Variants in ASTN2 observed in about 807,000 individuals in gnomAD.
ASTN2 encodes the protein astrotactin 2.
ASTN2 carries 54 observed loss-of-function variants against 139.8 expected under a neutral mutation model. That is an observed-to-expected ratio of 0.39 (90% CI 0.31 to 0.48). The LOEUF (loss-of-function observed/expected upper bound fraction) is 0.48, where lower values mean the gene tolerates loss of function less well. Ranked by LOEUF, ASTN2 falls within the 20% of genes least tolerant of loss-of-function variation. The pLI is 0.95. For missense variants in ASTN2, 1,565 were observed against 1,725.1 expected, an observed-to-expected ratio of 0.91 and a Z score of 1.64; for synonymous variants, 756 against 719.5, an observed-to-expected ratio of 1.05 and a Z score of -0.81.
chr9:116,866,896 A>G (rs1219606832), intron 10 of ASTN2, among the ~76,000 whole-genome samples: 1 of 144,382 alleles, frequency 6.9e-6, no homozygotes, highest in Non-Finnish European at 1.5e-5. Context: ...CCGTCTCAAA[A>G]AAAAAAAAAA....
chr9:117,269,972 A>G (rs543310405), intron 2 of ASTN2, among the ~76,000 whole-genome samples: 2 of 152,218 alleles, frequency 1.3e-5, no homozygotes, highest in African/African-American at 4.8e-5. Flanking sequence ...TATTTTTCCT[A>G]TTTTACAGAA....
At chr9:116,536,065 T>G (rs1235150921) in intron 19 of ASTN2, among the ~76,000 whole-genome samples, 1 of 150,706 alleles carries the variant, frequency 6.6e-6, no homozygotes, top group Non-Finnish European at 1.5e-5. Context: ...CTTTTTATTC[T>G]CTTTTCTCTA....
At chr9:117,195,584 G>A (rs926965267) in intron 3 of ASTN2, among the ~76,000 whole-genome samples, 5 of 152,152 alleles carry the variant, frequency 3.3e-5, no homozygotes, top group Non-Finnish European at 7.4e-5. Flanking sequence ...CATAGGGTGG[G>A]AAGCAGGGGT....
intron 3 of ASTN2, among the ~76,000 whole-genome samples, chr9:117,187,204 C>T (rs191611111): frequency 2.7e-3 from 418 of 152,146 alleles, no homozygotes; most frequent in African/African-American, 9.6e-3. Context: ...TGATTATGTA[C>T]ATTGTTTTAT....
chr9:116,765,072 C>G (rs143680855), intron 13 of ASTN2, among the ~76,000 whole-genome samples: 1 of 152,108 alleles, frequency 6.6e-6, no homozygotes, highest in Admixed American at 6.5e-5. Context: ...CTACAAAATA[C>G]GTGCTAATGA....
chr9:116,740,064 C>T (rs954234472), intron 13 of ASTN2, among the ~76,000 whole-genome samples: 3 of 152,200 alleles, frequency 2.0e-5, no homozygotes, highest in African/African-American at 7.2e-5. Flanking sequence ...CCAGGGGCCA[C>T]TGAGTGAGTG....
Position 116,511,815 on chromosome 9 carries a change from C to T in ASTN2, c.3356-24315G>A, listed in dbSNP as rs147901095. Among the ~76,000 whole-genome samples, 1,151 of 152,010 alleles carry T rather than the reference C, an allele frequency of 7.6e-3. 17 individuals carry two copies. The highest frequency in any genetic ancestry group is 0.026 in the African/African-American group (1,097 of 41,484). ...TAGAGGTGTTTATAGTATTCTCTGA[C>T]GGTAGTATGTATCTCTGTGGGATTG... On this transcript the variant is annotated intron_variant, in intron 19 of 22. Coordinates refer to ENST00000313400, the MANE Select transcript of ASTN2 (RefSeq NM_001365068.1).
At chr9:116,643,128 G>A (rs1197635092) in intron 17 of ASTN2, among the ~76,000 whole-genome samples, 1 of 152,112 alleles carries the variant, frequency 6.6e-6, no homozygotes, top group Non-Finnish European at 1.5e-5. Flanking sequence ...TGTGTTGTAG[G>A]GGGACAGAGT....
rs188814678 is a variant in ASTN2, at chr9:117,149,055, C to T, written c.1016-7577G>A. ...TTTTTTTTGAGACGGAGTCTCACTC[C>T]ATTGCCCAAGCTGGAGTGCAATGGC... On this transcript the variant is annotated intron_variant, in intron 3 of 22. Transcript: ENST00000313400. 4.4e-3 allele frequency among the ~76,000 whole-genome samples: 661 copies of T among 151,710 alleles called. 3 individuals carry two copies. The highest frequency in any genetic ancestry group is 0.015 in the African/African-American group (616 of 41,392).
chr9:116,502,138 C>A (rs1322719822), intron 19 of ASTN2, among the ~76,000 whole-genome samples: 1 of 132,934 alleles, frequency 7.5e-6, no homozygotes, highest in Admixed American at 8.4e-5. Flanking sequence ...GGTAGATTTC[C>A]AAATGTGTGT....
chr9:117,225,899 T>C lies in ASTN2; in HGVS notation c.631-11157A>G, dbSNP rs1832699094. Among the ~76,000 whole-genome samples, 3 of 152,076 alleles carry C rather than the reference T, an allele frequency of 2.0e-5. No individual in the cohort carries two copies. In the South Asian group the frequency reaches 6.2e-4, roughly 31 times the overall value. The stretch of plus-strand genomic sequence containing the variant: ...TAACTCTTACTACTATTATTGTAAT[T>C]TTCTGACCCTGTAGCAAACCTTCTG... On this transcript the variant is annotated intron_variant, in intron 2 of 22. Transcript: ENST00000313400.
chr9:116,574,638 T>A (rs1204340445), intron 19 of ASTN2, among the ~76,000 whole-genome samples: 5 of 152,200 alleles, frequency 3.3e-5, no homozygotes, highest in Non-Finnish European at 5.9e-5. Context: ...AGTTTCCTCT[T>A]GAAAAAGAGA....
chr9:116,919,770 C>G (rs1834549140), intron 10 of ASTN2, among the ~76,000 whole-genome samples: 2 of 150,282 alleles, frequency 1.3e-5, no homozygotes, highest in African/African-American at 4.9e-5. Flanking sequence ...ATGGCAAAAC[C>G]CCATCTCCAC....
intron 16 of ASTN2, among the ~76,000 whole-genome samples, chr9:116,687,920 G>A (rs1860355900): frequency 6.6e-6 from 1 of 151,928 alleles, no homozygotes; most frequent in Admixed American, 6.6e-5. Flanking sequence ...GATTGAGGGG[G>A]TGGGGTGAGT....
intron 19 of ASTN2, among the ~76,000 whole-genome samples, chr9:116,506,318 G>C (rs1850106759): frequency 6.6e-6 from 1 of 152,210 alleles, no homozygotes; most frequent in Admixed American, 6.5e-5. Context: ...TCAGCTGGTG[G>C]ATAACAGGAG....
chr9:116,796,402 C>T (rs544507627), intron 13 of ASTN2, among the ~76,000 whole-genome samples: 11 of 152,234 alleles, frequency 7.2e-5, no homozygotes, highest in South Asian at 2.1e-4. Flanking sequence ...TGCAGCCCCA[C>T]GTGATTCTTA....
At chr9:116,456,117 C>T (rs182656064) in intron 20 of ASTN2, among the ~76,000 whole-genome samples, 1 of 151,664 alleles carries the variant, frequency 6.6e-6, no homozygotes, top group African/African-American at 2.4e-5. Context: ...TTTGAAGACA[C>T]CTAAGATTCC....
chr9:117,040,420 C>T (rs1382391752), intron 5 of ASTN2, among the ~76,000 whole-genome samples: 6 of 152,170 alleles, frequency 3.9e-5, no homozygotes, highest in Non-Finnish European at 7.3e-5. Flanking sequence ...CCCTCATTGG[C>T]TCTGTGATCT....
intron 16 of ASTN2, among the ~76,000 whole-genome samples, chr9:116,685,553 TAA>T (rs778921810): frequency 6.6e-6 from 1 of 152,150 alleles, no homozygotes; most frequent in Non-Finnish European, 1.5e-5. Context: ...AAATGCTGAA[TAA>T]AGAGTGTTTA....
Sources: allele counts gnomAD v4.1 joint callset (sites outside exome capture counted in the v4.1 genomes callset), GRCh38; gene constraint gnomAD v4.1.1; transcripts MANE v1.5; gene names NCBI Gene and HGNC (gene_info 2026-07-23, HGNC 2026-07-21).